Variants in MYL1 observed in about 807,000 individuals in gnomAD.
The protein encoded by MYL1 is myosin light chain 1.
MYL1 carries 16 observed loss-of-function variants against 21.8 expected under a neutral mutation model. The observed-to-expected ratio is 0.74, with a 90% confidence interval of 0.50 to 1.12. The LOEUF (loss-of-function observed/expected upper bound fraction) is 1.12. Among genes scored for constraint, MYL1 ranks in the 50% most tolerant of loss-of-function variants. The pLI, the probability that MYL1 is intolerant of heterozygous loss-of-function variation, is 0.00. For synonymous variants in MYL1, 99 were observed against 85.2 expected, an observed-to-expected ratio of 1.16 and a Z score of -0.89; for missense variants, 246 against 241.0, an observed-to-expected ratio of 1.02 and a Z score of -0.14.
At chr2:210,312,413 G>A (rs961330819) in intron 1 of MYL1, among the ~76,000 whole-genome samples, 9 of 151,540 alleles carry the variant, frequency 5.9e-5, no homozygotes, top group African/African-American at 2.2e-4. Flanking sequence ...TGAAAAAATT[G>A]TATAGCTTTT....
At chr2:210,305,181 C>T (rs1220762373) in intron 1 of MYL1, among the ~76,000 whole-genome samples, 3 of 152,126 alleles carry the variant, frequency 2.0e-5, no homozygotes, top group Admixed American at 6.5e-5. Context: ...CAGAAGAAAT[C>T]AGCATTTAAT....
At chr2:210,295,043 C>T (rs755418729) in intron 3 of MYL1, among the ~76,000 whole-genome samples, 1 of 151,914 alleles carries the variant, frequency 6.6e-6, no homozygotes, top group Non-Finnish European at 1.5e-5. Flanking sequence ...CTTCTTTGTA[C>T]CTTAGAGGCC....
At chr2:210,306,397 A>G (rs1278074001) in intron 1 of MYL1, among the ~76,000 whole-genome samples, 1 of 149,804 alleles carries the variant, frequency 6.7e-6, no homozygotes, top group South Asian at 2.1e-4. Context: ...AAAAAAAAAA[A>G]GTTGAATTTA....
At chr2:210,291,771 T>G (rs114266926) in intron 5 of MYL1, among the ~76,000 whole-genome samples, 1,456 of 140,986 alleles carry the variant, frequency 0.01, 22 homozygotes, top group African/African-American at 0.037. Context: ...AATTATACTT[T>G]GATGGACATT....
intron 1 of MYL1, among the ~76,000 whole-genome samples, chr2:210,309,079 A>G (rs1203311377): frequency 6.6e-6 from 1 of 152,048 alleles, no homozygotes; most frequent in Non-Finnish European, 1.5e-5. Flanking sequence ...TTGATGAAAT[A>G]ACTTCTCTCA....
chr2:210,296,692 A>G (rs921498684), intron 3 of MYL1, among the ~76,000 whole-genome samples: 1 of 152,066 alleles, frequency 6.6e-6, no homozygotes, highest in Admixed American at 6.6e-5. Flanking sequence ...GTTACTCAGG[A>G]GGGACTAGAG....
At chr2:210,312,644 T>A (rs1205178951) in intron 1 of MYL1, among the ~76,000 whole-genome samples, 4 of 151,928 alleles carry the variant, frequency 2.6e-5, no homozygotes, top group African/African-American at 9.7e-5. Context: ...TATTTACATT[T>A]CTTTACAAAA....
chr2:210,311,854 A>C (rs576970424), intron 1 of MYL1, among the ~76,000 whole-genome samples: 3 of 152,074 alleles, frequency 2.0e-5, no homozygotes, highest in East Asian at 3.9e-4. Context: ...GCTTAGAACC[A>C]CCAAGGACAA....
chr2:210,291,322 C>T (rs1229466260), intron 5 of MYL1, among the ~76,000 whole-genome samples: 1 of 152,052 alleles, frequency 6.6e-6, no homozygotes, highest in Non-Finnish European at 1.5e-5. Context: ...AACATAGGGT[C>T]TCATTGTGTT....
intron 3 of MYL1, among the ~76,000 whole-genome samples, chr2:210,295,826 GAAA>G (rs753119896): frequency 1.4e-5 from 1 of 69,814 alleles, no homozygotes; most frequent in Non-Finnish European, 3.1e-5. Context: ...CCCTGCCTCA[GAAA>G]AAAAAAAAAA....
intron 1 of MYL1, chr2:210,302,886 A>T: frequency 7.2e-7 from 1 of 1,383,924 alleles, no homozygotes; most frequent in Middle Eastern, 2.1e-4. Context: ...TGAGATTTTT[A>T]GGAAGCTATG....
At chr2:210,302,699 A>G (rs1264642283) in intron 1 of MYL1, 184 bp from the exon 2 acceptor site, 11 of 1,540,294 alleles carry the variant, frequency 7.1e-6, no homozygotes, top group East Asian at 4.8e-5. Flanking sequence ...TGCCTTGAAG[A>G]TAAGTAATAT....
In MYL1 at chr2:210,294,568, G is replaced by A. The variant is rs1019562947; in HGVS notation, c.305-150C>T. 13 of 712,744 alleles carry A rather than the reference G, an allele frequency of 1.8e-5. No individual in the cohort carries two copies. In the African/African-American group the frequency reaches 2.0e-4, roughly 11 times the overall value. 44.2% of individuals were successfully genotyped at this position (712,744 alleles called of 1,614,324 possible). On this transcript the variant is annotated intron_variant, in intron 3 of 6. Transcript: ENST00000352451. ...TAAATTGCTAAAATATCAAGAATAT[G>A]GTAATAGTTAATGGCATGAGGTCTG...
At chr2:210,301,765 C>G (rs192675222) in intron 2 of MYL1, among the ~76,000 whole-genome samples, 1 of 152,216 alleles carries the variant, frequency 6.6e-6, no homozygotes, top group Admixed American at 6.5e-5. Context: ...TTTAGGGAAA[C>G]TATTCAGATT....
intron 1 of MYL1, among the ~76,000 whole-genome samples, chr2:210,304,903 C>G (rs1690317306): frequency 6.6e-6 from 1 of 152,106 alleles, no homozygotes; most frequent in Non-Finnish European, 1.5e-5. Context: ...TGGTAGCTTA[C>G]CTGAAAATAG....
intron 1 of MYL1, among the ~76,000 whole-genome samples, chr2:210,308,556 T>G (rs1285773971): frequency 1.3e-5 from 2 of 150,970 alleles, no homozygotes; most frequent in Non-Finnish European, 3.0e-5. Flanking sequence ...TAAATTGATC[T>G]GGTCTGAGAT....
intron 1 of MYL1, among the ~76,000 whole-genome samples, chr2:210,304,225 A>G (rs1406893451): frequency 1.3e-5 from 2 of 152,052 alleles, no homozygotes; most frequent in African/African-American, 2.4e-5. Context: ...AATAGTTTTG[A>G]TCTCCGCTTT....
chr2:210,291,175 T>C, intron 5 of MYL1, 101 bp from the exon 6 acceptor site: 1 of 900,844 alleles, frequency 1.1e-6, no homozygotes, highest in South Asian at 1.5e-5. Context: ...TATTTTTAGC[T>C]GTAACAATAG....
rs1327856033 is a variant in MYL1 at position 210,294,399 on chromosome 2, A to T, written c.324T>A (p.Ile108=). 7 of 1,613,832 alleles carry T rather than the reference A, an allele frequency of 4.3e-6. No individual in the cohort carries two copies. Among genetic ancestry groups the T allele is most frequent in the Non-Finnish European group, 5.9e-6 (7 of 1,179,880 alleles). ...TCATAGGCAGAAATTGTTCAAACTC[A>T]ATTTTCTTGGCATTCAGCTCTGTAA... is the stretch of plus-strand genomic sequence containing the variant. ...PSNEELNAKK[I]EFEQFLPMMQ... is the part of the protein sequence containing the mutation. Residue 108 remains isoleucine (I), a synonymous_variant, in exon 4 of 7, where the codon ATT becomes ATA. Transcript: ENST00000352451.
Sources: gnomAD v4.1 joint callset for allele counts (sites outside exome capture counted in the v4.1 genomes callset) on GRCh38, gnomAD v4.1.1 for gene constraint, MANE v1.5 for transcripts, NCBI Gene and HGNC (gene_info 2026-07-23, HGNC 2026-07-21) for gene names.